PLEKHA6: variants seen among roughly 807,000 people sequenced by gnomAD.
The protein encoded by PLEKHA6 is pleckstrin homology domain-containing family A member 6.
A neutral mutation model predicts 116.7 loss-of-function variants in PLEKHA6; 60 were observed. The observed-to-expected ratio is 0.51, with a 90% CI of 0.42 to 0.64. The LOEUF is 0.64. Ranked by LOEUF, PLEKHA6 falls within the 30% of genes least tolerant of loss-of-function variation. The pLI is 0.00. For missense variants in PLEKHA6, 1,338 were observed against 1,422.7 expected (o/e 0.94, Z 0.96); for synonymous variants, 489 against 556.1 (o/e 0.88, Z 1.70).
intron 1 of PLEKHA6, among the ~76,000 whole-genome samples, chr1:204,326,272 C>T (rs1672240540): frequency 6.6e-6 from 1 of 152,214 alleles, no homozygotes; most frequent in African/African-American, 2.4e-5. Flanking sequence ...CTCCCTTAGA[C>T]CCAACCAGCC....
chr1:204,308,387 C>T (rs1007415574), intron 1 of PLEKHA6, among the ~76,000 whole-genome samples: 13 of 152,224 alleles, frequency 8.5e-5, no homozygotes, highest in Admixed American at 2.0e-4. Flanking sequence ...CATTGCACTC[C>T]CACCTGGGTG....
At chr1:204,370,442 C>T (rs1487768769) in intron 2 of PLEKHA6, among the ~76,000 whole-genome samples, 1 of 152,256 alleles carries the variant, frequency 6.6e-6, no homozygotes, top group Non-Finnish European at 1.5e-5. Flanking sequence ...TCTCCCCGCA[C>T]TGTGACCCAC....
intron 1 of PLEKHA6, among the ~76,000 whole-genome samples, chr1:204,279,083 C>G (rs11240714): frequency 0.23 from 34,928 of 151,908 alleles, 4,320 homozygotes; most frequent in African/African-American, 0.31. Flanking sequence ...TTCAGTAGGA[C>G]GGGAAGAAAA....
At chr1:204,376,584 C>T (rs538892753) in intron 1 of PLEKHA6, among the ~76,000 whole-genome samples, 1 of 152,322 alleles carries the variant, frequency 6.6e-6, no homozygotes, top group East Asian at 1.9e-4. Flanking sequence ...CCTGCCTGAG[C>T]CCCTGCAAAG....
intron 1 of PLEKHA6, among the ~76,000 whole-genome samples, chr1:204,377,416 G>A (rs1293852279): frequency 6.6e-6 from 1 of 152,204 alleles, no homozygotes; most frequent in African/African-American, 2.4e-5. Context: ...TGAGGAAAAG[G>A]CGGGAGACAC....
At chr1:204,280,230 G>T in intron 1 of PLEKHA6, 1 of 841,398 alleles carries the variant, frequency 1.2e-6, no homozygotes, top group Non-Finnish European at 1.4e-6. Context: ...ACTCTGCATT[G>T]CTTCATCTCC....
chr1:204,280,981 C>T (rs765581276), intron 1 of PLEKHA6: 18 of 983,752 alleles, frequency 1.8e-5, no homozygotes, highest in Non-Finnish European at 1.9e-5. Context: ...AGGGTCAGGC[C>T]CTGGCAGCAC....
At position 204,346,663 on chromosome 1, in the gene PLEKHA6, A is replaced by G; in HGVS notation, c.-95+13031T>C. 5.9e-6 allele frequency: 4 copies of G among 672,800 alleles called. 1 individual carries two copies. In the South Asian group the frequency reaches 6.6e-5, roughly 11 times the overall value. 41.7% of individuals were successfully genotyped at this position (672,800 alleles called of 1,614,324 possible). ...TTCCCAATGTGGCCATGGGTAAGTGACCCATCACCTCAGAAACAGACTCTT... is the reference window on the plus strand; with the variant it reads ...TTCCCAATGTGGCCATGGGTAAGTGGCCCATCACCTCAGAAACAGACTCTT... On this transcript the variant is annotated intron_variant, in intron 1 of 22. Coordinates refer to ENST00000272203, the MANE Select transcript of PLEKHA6 (RefSeq NM_014935.5).
chr1:204,290,149 A>C (rs1282626196), intron 1 of PLEKHA6, among the ~76,000 whole-genome samples: 1 of 152,238 alleles, frequency 6.6e-6, no homozygotes, highest in Non-Finnish European at 1.5e-5. Flanking sequence ...AGTGCCAACC[A>C]AAACCCTAGC....
In PLEKHA6 at chr1:204,281,050, T is replaced by C. The variant is rs957427907; in HGVS notation, c.-94-6241A>G. 3.1e-6 allele frequency: 3 copies of C among 958,070 alleles called. No homozygotes were observed. The African/African-American group carries it at 5.3e-5, about 17-fold the overall frequency. The allele number at this position is 958,070 out of a possible 1,614,324, so 59.3% of individuals were successfully genotyped here. A position where few individuals can be genotyped will look rare whatever the true frequency, so the allele number is the denominator to read the frequency against. ...CAAACAACACTGCCTTAGCCAGGCA[T>C]GGTAGCACATGTCTGTAGTCCCAGC... On this transcript the variant is annotated intron_variant, in intron 1 of 22. Transcript: ENST00000272203.
intron 1 of PLEKHA6, among the ~76,000 whole-genome samples, chr1:204,298,601 G>A (rs1251055405): frequency 6.6e-6 from 1 of 152,176 alleles, no homozygotes; most frequent in Admixed American, 6.5e-5. Context: ...AGCGAGAGGA[G>A]TTGGGGTGTG....
intron 1 of PLEKHA6, chr1:204,297,960 T>C (rs1015567712): frequency 1.1e-6 from 1 of 930,606 alleles, no homozygotes; most frequent in East Asian, 1.2e-4. Flanking sequence ...TCTCTCCCCA[T>C]TGACTTGCCT....
intron 21 of PLEKHA6, 140 bp downstream of exon 21, chr1:204,227,943 C>G (rs944765530): frequency 4.4e-5 from 39 of 879,282 alleles, no homozygotes; most frequent in Middle Eastern, 3.5e-4. Flanking sequence ...TCAACAGATG[C>G]TCGTCTCAAC....
chr1:204,274,321 G>C (rs1667794240), intron 2 of PLEKHA6, among the ~76,000 whole-genome samples: 2 of 152,188 alleles, frequency 1.3e-5, no homozygotes, highest in Non-Finnish European at 2.9e-5. Context: ...TGGCCTATGA[G>C]AGTAGATTAA....
intron 17 of PLEKHA6, among the ~76,000 whole-genome samples, chr1:204,231,849 A>G (rs1250099717): frequency 6.6e-6 from 1 of 152,146 alleles, no homozygotes; most frequent in East Asian, 1.9e-4. Context: ...TATAGGTGTG[A>G]GCCACCATGC....
intron 1 of PLEKHA6, among the ~76,000 whole-genome samples, chr1:204,317,784 A>G (rs1204224965): frequency 6.6e-6 from 1 of 152,242 alleles, no homozygotes; most frequent in East Asian, 1.9e-4. Context: ...CTTGGTAAGA[A>G]TAAATATTAT....
Position 204,221,527 on chromosome 1 carries a change from T to C in PLEKHA6, c.*1261A>G, listed in dbSNP as rs1659638881. ...AGCGCCTAGCCTCAGCCAGTCCTCG[T>C]CTGGGATGCCTGGGATAGGGGGATA... On this transcript the variant is annotated 3_prime_UTR_variant, in exon 23 of 23. Transcript: ENST00000272203. 6.6e-6 allele frequency: 1 copy of C among 152,652 alleles called. No homozygotes were observed. The allele number at this position is 152,652 out of a possible 1,614,324, so 9.5% of individuals were successfully genotyped here. A position where few individuals can be genotyped will look rare whatever the true frequency, so the allele number is the denominator to read the frequency against.
chr1:204,301,740 T>A (rs916920669), intron 1 of PLEKHA6, among the ~76,000 whole-genome samples: 2 of 152,186 alleles, frequency 1.3e-5, no homozygotes, highest in African/African-American at 4.8e-5. Flanking sequence ...GCCGAACAGG[T>A]TTGGCATGTT....
At chr1:204,268,440 G>T (rs1020618530) in intron 3 of PLEKHA6, 128 bp from the exon 4 acceptor site, 3 of 462,052 alleles carry the variant, frequency 6.5e-6, no homozygotes, top group Admixed American at 4.0e-5. Flanking sequence ...ACACCAAGGG[G>T]CCCAGGTGTG....
Sources: allele counts gnomAD v4.1 joint callset (sites outside exome capture counted in the v4.1 genomes callset), GRCh38; gene constraint gnomAD v4.1.1; transcripts MANE v1.5; gene names NCBI Gene and HGNC (gene_info 2026-07-23, HGNC 2026-07-21).